AGBL1: variants seen among roughly 807,000 people sequenced by gnomAD.
The protein encoded by AGBL1 is cytosolic carboxypeptidase 4.
A neutral mutation model predicts 118.9 loss-of-function variants in AGBL1; 130 were observed. The observed-to-expected ratio is 1.09, with a 90% CI of 0.95 to 1.26. AGBL1 has a LOEUF of 1.26. AGBL1 is among the 50% of genes most tolerant of loss of function. The pLI is 0.00. For missense variants in AGBL1, 1,584 were observed against 1,298.1 expected, an observed-to-expected ratio of 1.22 and a Z score of -3.38; for synonymous variants, 555 against 478.9, an observed-to-expected ratio of 1.16 and a Z score of -2.08.
intron 18 of AGBL1, among the ~76,000 whole-genome samples, chr15:86,465,621 G>C (rs2082394000): frequency 6.6e-6 from 1 of 152,170 alleles, no homozygotes; most frequent in African/African-American, 2.4e-5. Context: ...TGGCCGCTCT[G>C]GATGTGTCTG....
At chr15:86,499,411 C>G (rs1218930514) in intron 18 of AGBL1, among the ~76,000 whole-genome samples, 1 of 151,704 alleles carries the variant, frequency 6.6e-6, no homozygotes, top group East Asian at 1.9e-4. Context: ...TATGCAATTT[C>G]GAACGAAGTG....
chr15:86,621,988 T>C (rs2084812883), intron 21 of AGBL1, among the ~76,000 whole-genome samples: 1 of 152,276 alleles, frequency 6.6e-6, no homozygotes, highest in Admixed American at 6.5e-5. Flanking sequence ...AGAAACCAGC[T>C]TCCCTCTAAA....
chr15:87,002,348 G>A (rs1454424076), intron 24 of AGBL1, among the ~76,000 whole-genome samples: 1 of 151,718 alleles, frequency 6.6e-6, no homozygotes, highest in African/African-American at 2.4e-5. Context: ...TCTCTGTTTT[G>A]GTACCAGTAC....
intron 21 of AGBL1, among the ~76,000 whole-genome samples, chr15:86,629,173 A>ACTTGGTTT (rs1461557957): frequency 6.6e-6 from 1 of 152,088 alleles, no homozygotes; most frequent in African/African-American, 2.4e-5. Context: ...CCACCATTCT[A>ACTTGGTTT]CTTGGTTTCT....
intron 21 of AGBL1, among the ~76,000 whole-genome samples, chr15:86,583,559 T>G (rs1217688711): frequency 6.6e-6 from 1 of 152,158 alleles, no homozygotes; most frequent in Non-Finnish European, 1.5e-5. Context: ...TATATGTACA[T>G]TTCCTTTATC....
chr15:86,131,626 T>A (rs572382615), intron 1 of AGBL1, among the ~76,000 whole-genome samples: 1 of 152,150 alleles, frequency 6.6e-6, no homozygotes, highest in South Asian at 2.1e-4. Flanking sequence ...AAATGGTGTC[T>A]GAAACAAGGT....
intron 17 of AGBL1, among the ~76,000 whole-genome samples, chr15:86,350,391 T>G (rs1355049929): frequency 6.6e-6 from 1 of 152,198 alleles, no homozygotes; most frequent in African/African-American, 2.4e-5. Flanking sequence ...TGAGTGGTTG[T>G]TTGACAAATC....
chr15:86,556,215 C>A (rs761152690), intron 21 of AGBL1: 2 of 1,610,934 alleles, frequency 1.2e-6, no homozygotes, highest in East Asian at 2.2e-5. Context: ...CAACTCTCTA[C>A]TGTGCAGTGT....
chr15:86,412,081 C>A (rs1596082380), intron 18 of AGBL1, among the ~76,000 whole-genome samples: 1 of 152,310 alleles, frequency 6.6e-6, no homozygotes, highest in South Asian at 2.1e-4. Flanking sequence ...AAAATAGCAG[C>A]ATTTAGCATG....
At chr15:87,001,667 C>G (rs530468350) in intron 24 of AGBL1, among the ~76,000 whole-genome samples, 24 of 152,142 alleles carry the variant, frequency 1.6e-4, no homozygotes, top group Admixed American at 1.4e-3. Flanking sequence ...TTAATGATCG[C>G]CATTCTAACT....
At chr15:86,697,976 GTC>G (rs759630841) in intron 22 of AGBL1, among the ~76,000 whole-genome samples, 23 of 152,070 alleles carry the variant, frequency 1.5e-4, no homozygotes, top group South Asian at 2.1e-4. Flanking sequence ...CCTTCAAAGA[GTC>G]TATGAATTTT....
At chr15:86,968,412 G>C (rs1349972741) in intron 23 of AGBL1, among the ~76,000 whole-genome samples, 1 of 151,896 alleles carries the variant, frequency 6.6e-6, no homozygotes, top group East Asian at 1.9e-4. Flanking sequence ...ATTAAGCTTT[G>C]ATTGCTCCAA....
intron 17 of AGBL1, among the ~76,000 whole-genome samples, chr15:86,304,293 T>C (rs1421966184): frequency 1.3e-5 from 2 of 152,176 alleles, no homozygotes; most frequent in Non-Finnish European, 2.9e-5. Flanking sequence ...ACTGGGTCTC[T>C]ATATCTGCTG....
intron 6 of AGBL1, among the ~76,000 whole-genome samples, chr15:86,234,662 GGCATGT>G (rs1200364317): frequency 6.6e-6 from 1 of 151,922 alleles, no homozygotes; most frequent in Non-Finnish European, 1.5e-5. Flanking sequence ...TGGCCACTGT[GGCATGT>G]TTCTTAATGA....
At position 86,335,838 on chromosome 15, in the gene AGBL1, ACT is replaced by A. The variant is rs1331445087; in HGVS notation, c.2374+40433_2374+40434del. Among the ~76,000 whole-genome samples the A allele has an allele frequency of 4.6e-5, 7 of 151,970 alleles. No homozygotes were observed. In the South Asian group the frequency reaches 1.5e-3, roughly 32 times the overall value. ...AGATCACAGCACTTAAATTCAGGAC[ACT>A]CTACTCCTGGTTTGTCACTTACTAC... is the stretch of plus-strand genomic sequence containing the variant. On this transcript the variant is annotated intron_variant, in intron 17 of 22. Transcript: ENST00000614907.
At chr15:86,576,455 C>T (rs2084093232) in intron 21 of AGBL1, among the ~76,000 whole-genome samples, 1 of 152,176 alleles carries the variant, frequency 6.6e-6, no homozygotes, top group South Asian at 2.1e-4. Context: ...TTGGTTATAG[C>T]TTGGTGTTTG....
intron 4 of AGBL1, 49 bp downstream of exon 4, chr15:86,154,610 G>A: frequency 6.4e-7 from 1 of 1,563,304 alleles, no homozygotes; most frequent in Non-Finnish European, 8.7e-7. Context: ...AACCTGGGCT[G>A]GGACACATGG....
chr15:86,615,781 G>C lies in AGBL1; in HGVS notation c.2995-58492G>C, dbSNP rs906913957. ...CAGAGGTTAAAAAATAGATTTAAAA[G>C]TCAACAACATATATAAAAGTTCTGG... On this transcript the variant is annotated intron_variant, in intron 21 of 22. Coordinates refer to ENST00000614907, the MANE Select transcript of AGBL1 (RefSeq NM_001386094.1). This position sits in a 1 kb window ranked among gnomAD's most constrained non-coding sequence, Gnocchi z 4.3. Among the ~76,000 whole-genome samples the C allele has an allele frequency of 3.3e-5, 5 of 152,114 alleles. No homozygotes were observed. The highest frequency in any genetic ancestry group is 7.3e-5 in the Non-Finnish European group (5 of 68,030).
At chr15:86,113,861 T>C (rs16948447) in intron 1 of AGBL1, among the ~76,000 whole-genome samples, 8,471 of 152,220 alleles carry the variant, frequency 0.056, 445 homozygotes, top group African/African-American at 0.13. Context: ...CTAAGAAAAA[T>C]GACCCAAATT....
Sources: gnomAD v4.1 joint callset for allele counts (sites outside exome capture counted in the v4.1 genomes callset) on GRCh38, gnomAD v4.1.1 for gene constraint, Gnocchi (gnomAD v3.1) non-coding constraint, MANE v1.5 for transcripts, NCBI Gene and HGNC (gene_info 2026-07-23, HGNC 2026-07-21) for gene names.